Variants in ABR observed in about 807,000 individuals in gnomAD.
ABR encodes active breakpoint cluster region-related protein.
ABR carries 35 observed loss-of-function variants against 107.2 expected under a neutral mutation model. The ratio of observed to expected loss-of-function variants is 0.33; its 90% CI spans 0.25 to 0.43. ABR has a LOEUF of 0.43. Among genes scored for constraint, ABR ranks in the 20% least tolerant of loss-of-function variants. ABR has a pLI of 1.00. For missense variants in ABR, 815 were observed against 1,115.2 expected (o/e 0.73, Z 3.83); for synonymous variants, 498 against 462.0 (o/e 1.08, Z -1.00).
chr17:1,006,078 G>A lies in ABR; in HGVS notation c.*2C>T, dbSNP rs1225906849. The A allele has an allele frequency of 1.3e-5, 21 of 1,563,026 alleles. No homozygotes were observed. Among genetic ancestry groups the A allele is most frequent in the Non-Finnish European group, 1.8e-5 (21 of 1,153,346 alleles). On this transcript the variant is annotated 3_prime_UTR_variant, in exon 23 of 23. Coordinates refer to ENST00000302538, the MANE Select transcript of ABR (RefSeq NM_021962.5). ...ACCCGCCCGCAGCCACCCTGCCTCG[G>A]GCTACACGTCGGTGGAGAAGTACAG...
intron 2 of ABR, among the ~76,000 whole-genome samples, chr17:1,103,739 C>T (rs996408800): frequency 5.9e-5 from 9 of 152,136 alleles, no homozygotes; most frequent in African/African-American, 2.2e-4. Flanking sequence ...GCTCTGGGCC[C>T]CGTTCACGCT....
chr17:1,147,707 C>G (rs2151517863), intron 1 of ABR, among the ~76,000 whole-genome samples: 1 of 152,264 alleles, frequency 6.6e-6, no homozygotes, highest in South Asian at 2.1e-4. Flanking sequence ...TAACACCCTG[C>G]TCCCACTCAG....
intron 1 of ABR, among the ~76,000 whole-genome samples, chr17:1,205,898 C>T (rs891074496): frequency 6.6e-6 from 1 of 151,764 alleles, no homozygotes; most frequent in Non-Finnish European, 1.5e-5. Context: ...GCTGAGATTG[C>T]GCCACTGCAC....
intron 10 of ABR, among the ~76,000 whole-genome samples, chr17:1,064,942 GGGCT>G: frequency 2.8e-5 from 3 of 107,232 alleles, no homozygotes; most frequent in Non-Finnish European, 6.0e-5. Flanking sequence ...TGTGAACTGA[GGGCT>G]ATGCATGTTC....
intron 1 of ABR, among the ~76,000 whole-genome samples, chr17:1,176,455 T>C (rs2041921261): frequency 6.6e-6 from 1 of 152,220 alleles, no homozygotes. Flanking sequence ...ATTTGTTACT[T>C]ATGTGATCTT....
At chr17:1,036,263 C>G (rs1241421463) in intron 16 of ABR, among the ~76,000 whole-genome samples, 1 of 152,182 alleles carries the variant, frequency 6.6e-6, no homozygotes, top group African/African-American at 2.4e-5. Context: ...GTGGGGATAG[C>G]CTGGGAGCCA....
intron 16 of ABR, among the ~76,000 whole-genome samples, chr17:1,035,844 C>A (rs560434318): frequency 2.7e-5 from 4 of 150,398 alleles, no homozygotes; most frequent in Non-Finnish European, 4.4e-5. Flanking sequence ...TGGGTGGGAC[C>A]CCGCATTACA....
intron 16 of ABR, among the ~76,000 whole-genome samples, chr17:1,022,859 C>T (rs987955625): frequency 1.2e-4 from 19 of 152,260 alleles, no homozygotes; most frequent in African/African-American, 4.6e-4. Flanking sequence ...CAGAGAACTT[C>T]GAAGTTCCCC....
At chr17:1,009,846 G>T in intron 20 of ABR, 62 bp from the exon 21 acceptor site, 3 of 1,458,102 alleles carry the variant, frequency 2.1e-6, no homozygotes, top group South Asian at 1.1e-5. Context: ...GGGCCCCTGT[G>T]GTCGTGAGGC....
Position 1,215,219 on chromosome 17 carries a change from CAA to C in ABR, c.838+13572_838+13573del, listed in dbSNP as rs71148449. 1.5e-3 allele frequency among the ~76,000 whole-genome samples: 202 copies of C among 135,806 alleles called. 1 individual carries two copies. The highest frequency in any genetic ancestry group is 1.5e-3 in the Admixed American group (21 of 13,618). The allele number at this position is 135,806 out of a possible 152,430, so 89.1% of individuals were successfully genotyped here. A position where few individuals can be genotyped will look rare whatever the true frequency, so the allele number is the denominator to read the frequency against. On this transcript the variant is annotated intron_variant, in intron 1 of 22. Coordinates refer to the ABR transcript ENST00000574139. ...TGGGTGACAGAGCAAGACTCTGTCT[CAA>C]AAAAAAAAAAAAGAAAAGAAAGAGC...
chr17:1,081,169 G>A (rs747525393), intron 5 of ABR, among the ~76,000 whole-genome samples: 11 of 152,232 alleles, frequency 7.2e-5, no homozygotes, highest in Non-Finnish European at 1.2e-4. Flanking sequence ...TCTGAACACA[G>A]ACCAGGGGAG....
intron 1 of ABR, among the ~76,000 whole-genome samples, chr17:1,161,133 G>A (rs545936817): frequency 5.8e-4 from 87 of 150,426 alleles, no homozygotes; most frequent in African/African-American, 2.0e-3. Flanking sequence ...AGGTTTTGTC[G>A]GAAATCCCCG....
At chr17:1,061,861 T>C (rs1289168011) in intron 10 of ABR, among the ~76,000 whole-genome samples, 1 of 152,202 alleles carries the variant, frequency 6.6e-6, no homozygotes, top group Non-Finnish European at 1.5e-5. Flanking sequence ...CCACCTGTTT[T>C]CTACGTGTCG....
intron 16 of ABR, among the ~76,000 whole-genome samples, chr17:1,028,138 T>C (rs1390248446): frequency 6.6e-6 from 1 of 152,074 alleles, no homozygotes; most frequent in African/African-American, 2.4e-5. Context: ...TTGCCCAGGC[T>C]GGAGTGCAGT....
At chr17:1,216,418 A>G (rs1328288888) in intron 1 of ABR, among the ~76,000 whole-genome samples, 1 of 152,198 alleles carries the variant, frequency 6.6e-6, no homozygotes. Flanking sequence ...TCCCTGCACT[A>G]GACTCACTCC....
chr17:1,178,507 T>G (rs1382432634), intron 1 of ABR, among the ~76,000 whole-genome samples: 1 of 149,558 alleles, frequency 6.7e-6, no homozygotes, highest in African/African-American at 2.5e-5. Context: ...GAGGTTGCAA[T>G]GAGCGGAGAT....
chr17:1,025,484 G>T (rs1240069343), intron 16 of ABR, among the ~76,000 whole-genome samples: 1 of 152,108 alleles, frequency 6.6e-6, no homozygotes, highest in African/African-American at 2.4e-5. Context: ...CACTGCATTC[G>T]GATTAAAGGC....
intron 1 of ABR, among the ~76,000 whole-genome samples, chr17:1,144,892 C>A (rs1041709783): frequency 9.9e-5 from 15 of 152,020 alleles, no homozygotes; most frequent in African/African-American, 3.6e-4. Context: ...TGTGGCGGGC[C>A]CCTGTAATTC....
At chr17:1,063,781 T>A (rs796078195) in intron 10 of ABR, among the ~76,000 whole-genome samples, 116 of 143,722 alleles carry the variant, frequency 8.1e-4, no homozygotes, top group East Asian at 3.4e-3. Context: ...TGCTGTTATG[T>A]GAACTGAGGG....
Sources: allele counts gnomAD v4.1 joint callset (sites outside exome capture counted in the v4.1 genomes callset), GRCh38; gene constraint gnomAD v4.1.1; transcripts MANE v1.5; gene names NCBI Gene and HGNC (gene_info 2026-07-23, HGNC 2026-07-21).